DIP2C: variants seen among roughly 807,000 people sequenced by gnomAD.
The protein encoded by DIP2C is disco-interacting protein 2 homolog C.
In DIP2C, 33 loss-of-function variants were observed where a neutral mutation model predicts 192.4. That is an observed-to-expected ratio of 0.17 (90% CI 0.13 to 0.23). The LOEUF is 0.23. Among genes scored for constraint, DIP2C ranks in the 10% least tolerant of loss-of-function variants. The pLI is 1.00. For missense variants in DIP2C, 1,537 were observed against 2,110.1 expected (o/e 0.73, Z 5.32); for synonymous variants, 979 against 864.1 (o/e 1.13, Z -2.33).
intron 8 of DIP2C, among the ~76,000 whole-genome samples, chr10:412,537 T>G (rs4554800): frequency 0.57 from 87,165 of 152,088 alleles, 25,028 homozygotes; most frequent in East Asian, 0.7. Context: ...TGCCACACAC[T>G]GTCCATTTAA....
intron 3 of DIP2C, among the ~76,000 whole-genome samples, chr10:467,242 G>A (rs1024225739): frequency 6.6e-6 from 1 of 152,124 alleles, no homozygotes; most frequent in African/African-American, 2.4e-5. Context: ...GGACATGGAT[G>A]AAATTGGACA....
intron 1 of DIP2C, among the ~76,000 whole-genome samples, chr10:614,846 C>T (rs1218808153): frequency 2.6e-5 from 4 of 152,224 alleles, no homozygotes; most frequent in African/African-American, 7.2e-5. Context: ...TGATCCAACA[C>T]GTCATCATAA....
intron 26 of DIP2C, among the ~76,000 whole-genome samples, chr10:347,710 CACCCA>C (rs201740180): frequency 2.1e-4 from 30 of 141,852 alleles, no homozygotes; most frequent in Non-Finnish European, 3.2e-4. Context: ...ACCCCACACG[CACCCA>C]ACCCAGACAC....
chr10:383,932 TAA>T lies in DIP2C; in HGVS notation c.1876+93_1876+94del, dbSNP rs1006798893. The T allele has an allele frequency of 1.1e-5, 15 of 1,307,706 alleles. No individual in the cohort carries two copies. The African/African-American group carries it at 2.2e-4, about 19-fold the overall frequency. The allele number at this position is 1,307,706 out of a possible 1,614,324, so 81.0% of individuals were successfully genotyped here. A position where few individuals can be genotyped will look rare whatever the true frequency, so the allele number is the denominator to read the frequency against. ...CAAAGAATGAAACCTGGGGAAAAAATAAAAAAGACTTCACAGCCTGCCTGCCT... is the reference window on the plus strand; with the variant it reads ...CAAAGAATGAAACCTGGGGAAAAAATAAAAGACTTCACAGCCTGCCTGCCT... On this transcript the variant is annotated intron_variant, in intron 16 of 36. Transcript: ENST00000280886.
At chr10:568,574 T>C (rs1849577849) in intron 1 of DIP2C, among the ~76,000 whole-genome samples, 1 of 151,802 alleles carries the variant, frequency 6.6e-6, no homozygotes, top group African/African-American at 2.4e-5. Flanking sequence ...GAGACCATCC[T>C]GGCTGACACG....
intron 1 of DIP2C, among the ~76,000 whole-genome samples, chr10:631,614 A>G (rs548119041): frequency 8.5e-5 from 13 of 152,344 alleles, no homozygotes; most frequent in Admixed American, 4.6e-4. Context: ...AGGAAACGCT[A>G]AAGATTGTTT....
intron 9 of DIP2C, among the ~76,000 whole-genome samples, chr10:408,253 A>ACAT (rs558849697): frequency 2.0e-5 from 3 of 150,408 alleles, no homozygotes; most frequent in Non-Finnish European, 3.0e-5. Flanking sequence ...TTATCCATAT[A>ACAT]CATGAGGGTT....
intron 1 of DIP2C, among the ~76,000 whole-genome samples, chr10:513,984 C>T (rs1564808814): frequency 6.6e-6 from 1 of 152,338 alleles, no homozygotes; most frequent in East Asian, 1.9e-4. Context: ...ACAGTCTTGG[C>T]AATGTACAAA....
chr10:510,417 C>T (rs946384616), intron 1 of DIP2C, among the ~76,000 whole-genome samples: 4 of 152,230 alleles, frequency 2.6e-5, no homozygotes, highest in Non-Finnish European at 4.4e-5. Context: ...TTAGCCTGAA[C>T]GTGCACGTAC....
At chr10:444,765 G>T (rs1968025875) in intron 3 of DIP2C, among the ~76,000 whole-genome samples, 1 of 152,208 alleles carries the variant, frequency 6.6e-6, no homozygotes, top group Non-Finnish European at 1.5e-5. Flanking sequence ...TCAGTATTTT[G>T]TACATTTTTC....
At position 414,794 on chromosome 10, in the gene DIP2C, GTATA is replaced by G. The variant is rs1205176988; in HGVS notation, c.860-688_860-685del. Among the ~76,000 whole-genome samples, 2 of 108,836 alleles carry G rather than the reference GTATA, an allele frequency of 1.8e-5. 1 individual carries two copies. The highest frequency in any genetic ancestry group is 7.1e-5 in the African/African-American group (2 of 28,094). The allele number at this position is 108,836 out of a possible 152,430, so 71.4% of individuals were successfully genotyped here. A position where few individuals can be genotyped will look rare whatever the true frequency, so the allele number is the denominator to read the frequency against. On this transcript the variant is annotated intron_variant, in intron 7 of 36. Coordinates refer to ENST00000280886, the MANE Select transcript of DIP2C (RefSeq NM_014974.3). The stretch of plus-strand genomic sequence containing the variant: ...TATAATGTGTATATATATATAAAAT[GTATA>G]TATATTTTGTAGAGACAGGTTTGGG...
intron 1 of DIP2C, among the ~76,000 whole-genome samples, chr10:524,601 T>C (rs755365630): frequency 1.3e-5 from 2 of 152,194 alleles, no homozygotes; most frequent in East Asian, 1.9e-4. Flanking sequence ...TTAAATTCTA[T>C]ACAAAGACAT....
intron 1 of DIP2C, among the ~76,000 whole-genome samples, chr10:613,292 C>T (rs919582985): frequency 1.3e-5 from 2 of 152,248 alleles, no homozygotes; most frequent in African/African-American, 4.8e-5. Context: ...CCTCGGCCTC[C>T]GCCTCCCACC....
At chr10:653,277 C>T (rs1169045884) in intron 1 of DIP2C, among the ~76,000 whole-genome samples, 11 of 151,934 alleles carry the variant, frequency 7.2e-5, no homozygotes, top group South Asian at 4.2e-4. Context: ...AGTGAGACCC[C>T]GTCTCTACTA....
At chr10:425,009 G>A (rs368541015) in intron 4 of DIP2C, among the ~76,000 whole-genome samples, 2,009 of 139,208 alleles carry the variant, frequency 0.014, 27 homozygotes, top group South Asian at 0.016. Flanking sequence ...CATGACCAGC[G>A]GTGACTAATA....
At chr10:645,472 A>G (rs573797284) in intron 1 of DIP2C, among the ~76,000 whole-genome samples, 2 of 152,282 alleles carry the variant, frequency 1.3e-5, no homozygotes, top group Admixed American at 1.3e-4. Context: ...GCCAAGAAAC[A>G]TTTTACTCAT....
chr10:570,615 C>A (rs982137937), intron 1 of DIP2C, among the ~76,000 whole-genome samples: 1 of 152,216 alleles, frequency 6.6e-6, no homozygotes, highest in Non-Finnish European at 1.5e-5. Flanking sequence ...CCCCTACCAC[C>A]CGACCTGCCA....
At chr10:427,081 TAAC>T (rs1393264229) in intron 4 of DIP2C, among the ~76,000 whole-genome samples, 6 of 152,372 alleles carry the variant, frequency 3.9e-5, no homozygotes, top group South Asian at 2.1e-4. Flanking sequence ...TCGTGGCTTA[TAAC>T]AACACACGTA....
intron 6 of DIP2C, among the ~76,000 whole-genome samples, chr10:418,536 T>C (rs945320992): frequency 1.3e-5 from 2 of 152,150 alleles, no homozygotes; most frequent in Non-Finnish European, 2.9e-5. Context: ...AGTCAGAATA[T>C]ACCAAGACTG....
Sources: allele counts gnomAD v4.1 joint callset (sites outside exome capture counted in the v4.1 genomes callset), GRCh38; gene constraint gnomAD v4.1.1; transcripts MANE v1.5; gene names NCBI Gene and HGNC (gene_info 2026-07-23, HGNC 2026-07-21).